The following EYS variants were observed in gnomAD, a reference collection of about 807,000 sequenced individuals.
EYS encodes EGF-like photoreceptor maintenance factor.
Under a neutral mutation model 282.1 loss-of-function variants are expected in EYS, and 250 were observed. The ratio of observed to expected loss-of-function variants is 0.89; its 90% confidence interval spans 0.80 to 0.98. The LOEUF (loss-of-function observed/expected upper bound fraction) is 0.98. Among genes scored for constraint, EYS ranks in the 50% least tolerant of loss-of-function variants. The pLI is 0.00. For missense variants in EYS, 4,016 were observed against 3,709.0 expected, an observed-to-expected ratio of 1.08 and a Z score of -2.15; for synonymous variants, 1,355 against 1,282.9, an observed-to-expected ratio of 1.06 and a Z score of -1.20.
intron 11 of EYS, chr6:65,331,885 T>TTA (rs1303381016): frequency 3.7e-6 from 1 of 267,700 alleles, no homozygotes; most frequent in Non-Finnish European, 5.7e-6. Context: ...ATAACAAATT[T>TTA]TATATATCCA....
chr6:64,717,774 C>G (rs1771446844), intron 22 of EYS, among the ~76,000 whole-genome samples: 1 of 152,130 alleles, frequency 6.6e-6, no homozygotes, highest in South Asian at 2.1e-4. Context: ...GTATATGGGT[C>G]TTTACACTTA....
At chr6:64,544,905 G>A (rs989812834) in intron 26 of EYS, among the ~76,000 whole-genome samples, 4 of 152,082 alleles carry the variant, frequency 2.6e-5, no homozygotes, top group African/African-American at 9.7e-5. Context: ...AAAAGTCCAG[G>A]ACCAGATGGA....
At chr6:64,084,077 T>G (rs920869771) in intron 31 of EYS, among the ~76,000 whole-genome samples, 5 of 152,214 alleles carry the variant, frequency 3.3e-5, no homozygotes, top group African/African-American at 1.2e-4. Flanking sequence ...AAACATCACA[T>G]GAAATATACT....
chr6:63,995,155 G>A (rs1229204426), intron 34 of EYS, among the ~76,000 whole-genome samples: 3 of 151,866 alleles, frequency 2.0e-5, no homozygotes, highest in Admixed American at 6.6e-5. Context: ...AAACATATAA[G>A]GAATTTCTAC....
intron 29 of EYS, among the ~76,000 whole-genome samples, chr6:64,374,405 G>T (rs895951441): frequency 6.6e-6 from 1 of 150,892 alleles, no homozygotes; most frequent in African/African-American, 2.4e-5. Flanking sequence ...AGTGTAGAAG[G>T]CTGGTGGGTG....
chr6:64,279,495 G>T (rs765010758), intron 30 of EYS, among the ~76,000 whole-genome samples: 1 of 151,764 alleles, frequency 6.6e-6, no homozygotes, highest in Non-Finnish European at 1.5e-5. Context: ...CTATCCACTT[G>T]TAAGGGTAAG....
At chr6:63,758,072 C>G (rs1368183373) in intron 41 of EYS, among the ~76,000 whole-genome samples, 1 of 151,926 alleles carries the variant, frequency 6.6e-6, no homozygotes, top group Non-Finnish European at 1.5e-5. Flanking sequence ...GCTAATTATT[C>G]TATTTTTTTT....
At chr6:64,654,287 A>T (rs1346325048) in intron 22 of EYS, among the ~76,000 whole-genome samples, 2 of 152,234 alleles carry the variant, frequency 1.3e-5, no homozygotes, top group Non-Finnish European at 2.9e-5. Context: ...TACAAATAAT[A>T]TGCATATCTC....
chr6:63,978,006 G>T (rs955259644), intron 35 of EYS, among the ~76,000 whole-genome samples: 1 of 151,982 alleles, frequency 6.6e-6, no homozygotes, highest in Non-Finnish European at 1.5e-5. Flanking sequence ...TGAACCAGAT[G>T]ATTTAATATG....
chr6:65,241,252 T>A (rs944093238), intron 12 of EYS, among the ~76,000 whole-genome samples: 2 of 152,180 alleles, frequency 1.3e-5, no homozygotes, highest in Non-Finnish European at 2.9e-5. Context: ...TACTTGAATT[T>A]AAGTGACCAT....
At chr6:65,397,597 T>C (rs1053717002) in intron 7 of EYS, among the ~76,000 whole-genome samples, 5 of 148,528 alleles carry the variant, frequency 3.4e-5, no homozygotes, top group Non-Finnish European at 7.5e-5. Flanking sequence ...TGTGTGTGTG[T>C]GTGTGTGTGT....
intron 12 of EYS, among the ~76,000 whole-genome samples, chr6:65,289,261 TACTTGAA>T (rs1487214696): frequency 6.6e-6 from 1 of 151,026 alleles, no homozygotes; most frequent in East Asian, 1.9e-4. Context: ...ATTTTAGAAC[TACTTGAA>T]ACTTATTAAA....
chr6:65,596,992 C>T (rs952554959), intron 2 of EYS, among the ~76,000 whole-genome samples: 8 of 151,978 alleles, frequency 5.3e-5, no homozygotes, highest in African/African-American at 1.9e-4. Flanking sequence ...GCCAGAGAAC[C>T]GAAGTAACTC....
At chr6:65,689,218 C>T (rs1273722932) in intron 1 of EYS, among the ~76,000 whole-genome samples, 2 of 149,934 alleles carry the variant, frequency 1.3e-5, no homozygotes, top group Non-Finnish European at 3.0e-5. Context: ...ATTCATGTCC[C>T]TTGTAGGGAC....
chr6:63,952,434 G>A (rs184112356), intron 35 of EYS, among the ~76,000 whole-genome samples: 59 of 152,016 alleles, frequency 3.9e-4, no homozygotes, highest in Non-Finnish European at 6.0e-4. Context: ...AGGGTAAGTC[G>A]GTCCCCTTCT....
At chr6:64,732,714 G>T (rs1772015867) in intron 22 of EYS, among the ~76,000 whole-genome samples, 1 of 149,780 alleles carries the variant, frequency 6.7e-6, no homozygotes. Flanking sequence ...GATACCTCAG[G>T]GATCAGGCAG....
intron 1 of EYS, among the ~76,000 whole-genome samples, chr6:65,698,297 A>G (rs1769531347): frequency 6.6e-6 from 1 of 152,154 alleles, no homozygotes; most frequent in African/African-American, 2.4e-5. Flanking sequence ...TTAATAGACA[A>G]CATGGAGAGT....
At chr6:65,572,845 C>CA (rs977159457) in intron 2 of EYS, among the ~76,000 whole-genome samples, 7 of 151,960 alleles carry the variant, frequency 4.6e-5, no homozygotes, top group East Asian at 3.9e-4. Flanking sequence ...TTAAAAATTG[C>CA]AAAAAAACCA....
In EYS at chr6:65,575,619, T is replaced by C. The variant is rs562282884; in HGVS notation, c.-333+64159A>G. Among the ~76,000 whole-genome samples the C allele has an allele frequency of 1.7e-4, 26 of 151,596 alleles. No individual in the cohort carries two copies. The East Asian group carries it at 4.5e-3, about 26-fold the overall frequency. On this transcript the variant is annotated intron_variant, in intron 2 of 42. Coordinates refer to ENST00000503581, the MANE Select transcript of EYS (RefSeq NM_001142800.2). ...ACAGTAGAAATAAATAATATAGACA[T>C]GAGAAAAGCAACAGAAAAGAAATCA...
Sources: gnomAD v4.1 joint callset for allele counts (sites outside exome capture counted in the v4.1 genomes callset) on GRCh38, gnomAD v4.1.1 for gene constraint, MANE v1.5 for transcripts, NCBI Gene and HGNC (gene_info 2026-07-23, HGNC 2026-07-21) for gene names.